ZNF438: variants seen among roughly 807,000 people sequenced by gnomAD.
ZNF438 encodes the protein zinc finger protein 438.
Under a neutral mutation model 38.0 loss-of-function variants are expected in ZNF438, and 25 were observed. That is an observed-to-expected ratio of 0.66 (90% confidence interval 0.48 to 0.92). The LOEUF (loss-of-function observed/expected upper bound fraction) is 0.92. Ranked by LOEUF, ZNF438 falls within the 40% of genes least tolerant of loss-of-function variation. The pLI is 0.00. For missense variants in ZNF438, 1,007 were observed against 999.6 expected (o/e 1.01, Z -0.10); for synonymous variants, 372 against 364.1 (o/e 1.02, Z -0.25).
chr10:31,023,704 C>T (rs529758967), intron 1 of ZNF438, among the ~76,000 whole-genome samples: 2 of 152,136 alleles, frequency 1.3e-5, no homozygotes, highest in African/African-American at 4.8e-5. Flanking sequence ...AAATCTACCC[C>T]AGTCAATCCA....
chr10:30,890,682 A>C (rs2040570391), intron 3 of ZNF438, among the ~76,000 whole-genome samples: 1 of 152,222 alleles, frequency 6.6e-6, no homozygotes, highest in Admixed American at 6.5e-5. Context: ...TTGCAATCTA[A>C]AAAAATTCAA....
chr10:30,896,769 A>G (rs755490948), intron 3 of ZNF438, among the ~76,000 whole-genome samples: 32 of 152,176 alleles, frequency 2.1e-4, no homozygotes, highest in Non-Finnish European at 4.1e-4. Context: ...CTGCACGACA[A>G]TGTGAATGTA....
intron 1 of ZNF438, among the ~76,000 whole-genome samples, chr10:31,023,930 T>G (rs576443837): frequency 6.6e-6 from 1 of 152,348 alleles, no homozygotes; most frequent in South Asian, 2.1e-4. Context: ...CGTCTCTGCC[T>G]GTTTAAAGGA....
intron 1 of ZNF438, among the ~76,000 whole-genome samples, chr10:30,987,156 T>TA (rs1300159117): frequency 4.6e-5 from 7 of 151,894 alleles, no homozygotes; most frequent in Non-Finnish European, 8.8e-5. Context: ...CACACAGGGT[T>TA]AAAAAAATTG....
intron 3 of ZNF438, among the ~76,000 whole-genome samples, chr10:30,903,917 G>A (rs2042312728): frequency 6.6e-6 from 1 of 150,758 alleles, no homozygotes; most frequent in Non-Finnish European, 1.5e-5. Flanking sequence ...AAAATCTTGA[G>A]AATCAATAAA....
At chr10:30,950,853 A>G (rs1327669408) in intron 1 of ZNF438, among the ~76,000 whole-genome samples, 16 of 115,370 alleles carry the variant, frequency 1.4e-4, no homozygotes, top group Non-Finnish European at 1.1e-4. Context: ...TTCTGAAATT[A>G]TTCCAATCAA....
rs543009141 is a variant in ZNF438, at chr10:30,962,331, A to G, written c.-191-20680T>C. Reference sequence around the variant, plus strand: ...TCTTCCTCCCAACCTATGCCCCAGAAAAGTTGGAGATTAATAGAAAAAGAC... The same window carrying G: ...TCTTCCTCCCAACCTATGCCCCAGAGAAGTTGGAGATTAATAGAAAAAGAC... On this transcript the variant is annotated intron_variant, in intron 1 of 5. Transcript: ENST00000413025. Among the ~76,000 whole-genome samples, 19 of 147,582 alleles carry G rather than the reference A, an allele frequency of 1.3e-4. 1 individual carries two copies. The East Asian group carries it at 3.7e-3, about 28-fold the overall frequency.
At chr10:30,874,124 A>G (rs1350171780) in intron 4 of ZNF438, among the ~76,000 whole-genome samples, 2,188 of 13,350 alleles carry the variant, frequency 0.16, 90 homozygotes, top group Middle Eastern at 0.3. Flanking sequence ...GTATATATAT[A>G]TATATATATA....
intron 1 of ZNF438, among the ~76,000 whole-genome samples, chr10:31,014,658 A>G (rs1334497348): frequency 6.6e-6 from 1 of 152,190 alleles, no homozygotes; most frequent in Non-Finnish European, 1.5e-5. Flanking sequence ...CTGCGTGATG[A>G]CGGTGAAGGT....
chr10:30,977,750 C>T (rs2051560825), intron 1 of ZNF438, among the ~76,000 whole-genome samples: 1 of 152,010 alleles, frequency 6.6e-6, no homozygotes, highest in Non-Finnish European at 1.5e-5. Context: ...TTTGGGAGGC[C>T]GAGGCTAGCG....
chr10:30,933,913 G>A (rs539638144), intron 2 of ZNF438, among the ~76,000 whole-genome samples: 9 of 152,098 alleles, frequency 5.9e-5, no homozygotes, highest in South Asian at 2.1e-4. Context: ...TTGGGAGACC[G>A]AGGTGGGTGA....
rs527632512 is a variant in ZNF438 at position 31,027,528 on chromosome 10, TA to T, written c.-192+4304del. ...TCTGCTGGGAGCTACCTGACACAATTAAATAACCATCAACCTGCCCTCACTG... is the reference window on the plus strand; with the variant it reads ...TCTGCTGGGAGCTACCTGACACAATTAATAACCATCAACCTGCCCTCACTG... On this transcript the variant is annotated intron_variant, in intron 1 of 5. Transcript: ENST00000413025. Among the ~76,000 whole-genome samples, 31 of 152,220 alleles carry T rather than the reference TA, an allele frequency of 2.0e-4. No individual in the cohort carries two copies. In the East Asian group the frequency reaches 6.0e-3, roughly 29 times the overall value.
chr10:30,947,827 G>A lies in ZNF438; in HGVS notation c.-191-6176C>T, dbSNP rs191956470. ...TCACCCCTTTCTTTGACTCGGAAAGGGAACTCCCTGACCCCTTGCGCTTCC... is the reference window on the plus strand; with the variant it reads ...TCACCCCTTTCTTTGACTCGGAAAGAGAACTCCCTGACCCCTTGCGCTTCC... On this transcript the variant is annotated intron_variant, in intron 1 of 5. Transcript: ENST00000413025. Among the ~76,000 whole-genome samples the A allele has an allele frequency of 9.3e-3, 1,423 of 152,300 alleles. 20 individuals carry two copies. The highest frequency in any genetic ancestry group is 0.032 in the African/African-American group (1,319 of 41,554).
rs758693660 is a variant in ZNF438 at position 30,927,810 on chromosome 10, G to A, written c.-115+13765C>T. 7.2e-5 allele frequency among the ~76,000 whole-genome samples: 11 copies of A among 152,012 alleles called. 1 individual carries two copies. The highest frequency in any genetic ancestry group is 1.3e-4 in the Non-Finnish European group (9 of 68,000). On this transcript the variant is annotated intron_variant, in intron 2 of 5. Coordinates refer to ENST00000413025, the Ensembl canonical transcript of ZNF438. ...TCAGGACTTCAGTTCTTTCATTTGC[G>A]AAATGAATAAGAGGATGCCTTCCAG... is the stretch of plus-strand genomic sequence containing the variant.
At chr10:30,864,209 A>G (rs1256546934) in intron 4 of ZNF438, among the ~76,000 whole-genome samples, 1 of 152,180 alleles carries the variant, frequency 6.6e-6, no homozygotes, top group African/African-American at 2.4e-5. Flanking sequence ...GTGATGGGGG[A>G]AAGGAGAAGT....
intron 3 of ZNF438, among the ~76,000 whole-genome samples, chr10:30,899,281 C>G (rs1384230372): frequency 6.6e-6 from 1 of 152,084 alleles, no homozygotes; most frequent in East Asian, 1.9e-4. Context: ...AAAGAAGATG[C>G]TAAATAAAGA....
chr10:30,913,200 G>C (rs1343486587), intron 2 of ZNF438, among the ~76,000 whole-genome samples: 1 of 151,848 alleles, frequency 6.6e-6, no homozygotes, highest in Non-Finnish European at 1.5e-5. Flanking sequence ...CCCTTTATTT[G>C]TTTCTCATTG....
intron 3 of ZNF438, among the ~76,000 whole-genome samples, chr10:30,885,324 T>C (rs2039815526): frequency 6.6e-6 from 1 of 152,244 alleles, no homozygotes; most frequent in Admixed American, 6.5e-5. Context: ...ACTGTTAGGC[T>C]GTGCCTCTTG....
intron 2 of ZNF438, chr10:30,910,477 T>A (rs1254651427): frequency 6.6e-6 from 1 of 151,242 alleles, no homozygotes; most frequent in Admixed American, 6.6e-5. Flanking sequence ...AAAGATACAG[T>A]AGAAAAAAAA....
Sources: allele counts gnomAD v4.1 joint callset (sites outside exome capture counted in the v4.1 genomes callset), GRCh38; gene constraint gnomAD v4.1.1; transcripts MANE v1.5; gene names NCBI Gene and HGNC (gene_info 2026-07-23, HGNC 2026-07-21).